The following PRUNE2 variants were observed in gnomAD, a reference collection of about 807,000 sequenced individuals.
The protein encoded by PRUNE2 is prune homolog 2 with BCH domain.
PRUNE2 carries 164 observed loss-of-function variants against 252.0 expected under a neutral mutation model. The observed-to-expected ratio is 0.65, with a 90% CI of 0.57 to 0.74. The LOEUF (loss-of-function observed/expected upper bound fraction) is 0.74, where lower values mean the gene tolerates loss of function less well. PRUNE2 is among the 30% of genes least tolerant of loss of function. The pLI, the probability that PRUNE2 is intolerant of heterozygous loss-of-function variation, is 0.00. For missense variants in PRUNE2, 3,495 were observed against 3,711.0 expected (o/e 0.94, Z 1.51); for synonymous variants, 1,292 against 1,350.2 (o/e 0.96, Z 0.94).
intron 6 of PRUNE2, among the ~76,000 whole-genome samples, chr9:76,815,869 A>G (rs2057658555): frequency 6.6e-6 from 1 of 152,146 alleles, no homozygotes; most frequent in Non-Finnish European, 1.5e-5. Flanking sequence ...GAGATACAAA[A>G]TAAGAATTCT....
At chr9:76,760,899 A>C (rs2051653341) in intron 6 of PRUNE2, among the ~76,000 whole-genome samples, 1 of 152,116 alleles carries the variant, frequency 6.6e-6, no homozygotes, top group African/African-American at 2.4e-5. Flanking sequence ...CAGCCTGGCC[A>C]ACACTGCGAA....
Position 76,895,310 on chromosome 9 carries a change from G to A in PRUNE2, c.36+10618C>T, listed in dbSNP as rs184062904. ...TCTCCACTGAGAATGGGAGTGGGGC[G>A]CCAGGCTGCTCACATCTTGTACGTG... is the stretch of plus-strand genomic sequence containing the variant. On this transcript the variant is annotated intron_variant, in intron 1 of 18. Transcript: ENST00000376718. Among the ~76,000 whole-genome samples the A allele has an allele frequency of 3.9e-5, 6 of 152,222 alleles. No individual in the cohort carries two copies. In the East Asian group the frequency reaches 9.7e-4, roughly 25 times the overall value.
intron 6 of PRUNE2, among the ~76,000 whole-genome samples, chr9:76,820,180 T>A (rs1444761489): frequency 1.3e-5 from 2 of 152,220 alleles, no homozygotes; most frequent in Admixed American, 1.3e-4. Context: ...GCCATGCCTC[T>A]GATAAGGCCA....
At chr9:76,897,313 T>G (rs889898361) in intron 1 of PRUNE2, among the ~76,000 whole-genome samples, 2 of 149,524 alleles carry the variant, frequency 1.3e-5, no homozygotes, top group Non-Finnish European at 3.0e-5. Context: ...AGGAAGAAGG[T>G]CCTAGAATTG....
At position 76,706,895 on chromosome 9, in the gene PRUNE2, C is replaced by G; in HGVS notation, c.5379G>C (p.Gly1793=). The G allele has an allele frequency of 1.3e-6, 2 of 1,599,326 alleles. No homozygotes were observed. The highest frequency in any genetic ancestry group is 8.5e-7 in the Non-Finnish European group (1 of 1,172,578). Residue 1793 remains glycine (G), a synonymous_variant, in exon 8 of 19, where the codon GGG becomes GGC. Transcript: ENST00000376718. ...TTTGCCATGCAACATCTCCTGTTGT[C>G]CCTGTTTCTGGAGAAGATCTCTTCT... ...EKEKRSSPET[G]TTGDVAWQIS... is the part of the protein sequence containing the mutation.
rs115226584 is a variant in PRUNE2 at position 76,791,012 on chromosome 9, G to A, written c.756+32620C>T. Among the ~76,000 whole-genome samples, 776 of 152,210 alleles carry A rather than the reference G, an allele frequency of 5.1e-3. 4 individuals are homozygous for A. Among genetic ancestry groups the A allele is most frequent in the African/African-American group, 0.017 (725 of 41,540 alleles). On this transcript the variant is annotated intron_variant, in intron 6 of 18. Transcript: ENST00000376718. ...AAATACTGCATGATCTCACTTATAC[G>A]TGAAATCTAAAATAGTCAAACTCGT...
At chr9:76,875,496 G>C (rs1298856009) in intron 1 of PRUNE2, among the ~76,000 whole-genome samples, 4 of 152,108 alleles carry the variant, frequency 2.6e-5, no homozygotes, top group African/African-American at 9.7e-5. Flanking sequence ...CTCCCGAGTA[G>C]CTGGGACTAC....
intron 1 of PRUNE2, among the ~76,000 whole-genome samples, chr9:76,854,791 G>A (rs1305090337): frequency 3.9e-5 from 6 of 151,984 alleles, no homozygotes; most frequent in African/African-American, 1.2e-4. Context: ...TCAGCCGGGC[G>A]TGGTGGCTCA....
At chr9:76,684,172 C>G (rs1009800128) in intron 9 of PRUNE2, among the ~76,000 whole-genome samples, 19 of 152,170 alleles carry the variant, frequency 1.2e-4, no homozygotes, top group African/African-American at 4.3e-4. Flanking sequence ...CACTCTACAA[C>G]AGATCACTAA....
At chr9:76,837,243 A>G (rs1390939174) in intron 4 of PRUNE2, among the ~76,000 whole-genome samples, 2 of 152,122 alleles carry the variant, frequency 1.3e-5, no homozygotes, top group South Asian at 2.1e-4. Flanking sequence ...AGCGATTGAG[A>G]CCATCCTGGC....
At chr9:76,646,273 G>T (rs555405465) in intron 11 of PRUNE2, among the ~76,000 whole-genome samples, 2 of 152,314 alleles carry the variant, frequency 1.3e-5, no homozygotes, top group Admixed American at 6.5e-5. Context: ...GAAAAACTTG[G>T]ATAGTTTCCT....
intron 1 of PRUNE2, among the ~76,000 whole-genome samples, chr9:76,898,271 G>A (rs1427053418): frequency 6.6e-6 from 1 of 152,186 alleles, no homozygotes; most frequent in Non-Finnish European, 1.5e-5. Context: ...CTGATTTAGG[G>A]CAGGCAGCCT....
intron 1 of PRUNE2, 117 bp from the exon 2 acceptor site, chr9:76,854,325 C>G (rs1197337950): frequency 1.3e-5 from 6 of 479,458 alleles, no homozygotes; most frequent in African/African-American, 1.2e-4. Flanking sequence ...GGCAGAGAAT[C>G]ATAAATTTAT....
At chr9:76,721,135 A>G (rs2047613594) in intron 6 of PRUNE2, among the ~76,000 whole-genome samples, 1 of 152,220 alleles carries the variant, frequency 6.6e-6, no homozygotes, top group African/African-American at 2.4e-5. Flanking sequence ...CTGATAGGTC[A>G]GTGTTTATCT....
chr9:76,796,462 T>A (rs1346627907), intron 6 of PRUNE2, among the ~76,000 whole-genome samples: 1 of 152,176 alleles, frequency 6.6e-6, no homozygotes, highest in Non-Finnish European at 1.5e-5. Context: ...AGAACTTGAA[T>A]CATCAAGATC....
At chr9:76,676,933 C>T (rs1442410663) in intron 9 of PRUNE2, among the ~76,000 whole-genome samples, 2 of 152,202 alleles carry the variant, frequency 1.3e-5, no homozygotes, top group African/African-American at 4.8e-5. Flanking sequence ...GGAGGTCCTG[C>T]TGTTCCCACT....
At chr9:76,807,049 T>TGC (rs564656721) in intron 6 of PRUNE2, among the ~76,000 whole-genome samples, 14 of 132,208 alleles carry the variant, frequency 1.1e-4, no homozygotes, top group Non-Finnish European at 1.4e-4. Flanking sequence ...TGTGTGTGTG[T>TGC]GTGCGCGCGC....
chr9:76,803,576 C>T (rs191187081), intron 6 of PRUNE2, among the ~76,000 whole-genome samples: 107 of 152,222 alleles, frequency 7.0e-4, no homozygotes, highest in Admixed American at 1.1e-3. Context: ...TGTTCAACCC[C>T]GTGTCGTAGT....
intron 1 of PRUNE2, among the ~76,000 whole-genome samples, chr9:76,887,115 A>AGATCTTC: frequency 1.3e-5 from 2 of 152,328 alleles, no homozygotes; most frequent in Admixed American, 1.3e-4. Context: ...AGAATTTAAA[A>AGATCTTC]GATCTTCCAG....
Sources: allele counts gnomAD v4.1 joint callset (sites outside exome capture counted in the v4.1 genomes callset), GRCh38; gene constraint gnomAD v4.1.1; transcripts MANE v1.5; gene names NCBI Gene and HGNC (gene_info 2026-07-23, HGNC 2026-07-21).